ZNF521: variants seen among roughly 807,000 people sequenced by gnomAD.
ZNF521 encodes the protein zinc finger protein 521.
Under a neutral mutation model 105.5 loss-of-function variants are expected in ZNF521, and 14 were observed. The ratio of observed to expected loss-of-function variants is 0.13; its 90% CI spans 0.09 to 0.21. The LOEUF (loss-of-function observed/expected upper bound fraction) is 0.21, where lower values mean the gene tolerates loss of function less well. ZNF521 is among the 10% of genes least tolerant of loss of function. ZNF521 has a pLI of 1.00. For synonymous variants in ZNF521, 635 were observed against 606.0 expected (o/e 1.05, Z -0.70); for missense variants, 1,233 against 1,629.7 (o/e 0.76, Z 4.19).
chr18:25,277,660 AT>A (rs1210167215), intron 3 of ZNF521, among the ~76,000 whole-genome samples: 2 of 152,332 alleles, frequency 1.3e-5, no homozygotes, highest in East Asian at 3.9e-4. Flanking sequence ...TCACTAAGTT[AT>A]TTAGTTTCAG....
chr18:25,241,249 C>T (rs1203964339), intron 3 of ZNF521, among the ~76,000 whole-genome samples: 14 of 152,184 alleles, frequency 9.2e-5, no homozygotes. Flanking sequence ...GGTTTCACCT[C>T]CCTCTCCTGA....
chr18:25,118,573 G>T (rs1401987445), intron 5 of ZNF521, among the ~76,000 whole-genome samples: 1 of 151,838 alleles, frequency 6.6e-6, no homozygotes, highest in African/African-American at 2.4e-5. Context: ...TTAACTCTAA[G>T]GAGACTGTGA....
chr18:25,302,894 G>A lies in ZNF521; in HGVS notation c.220+19114C>T, dbSNP rs377123352. 4.6e-5 allele frequency: 7 copies of A among 152,088 alleles called. No homozygotes were observed. The East Asian group carries it at 9.7e-4, about 21-fold the overall frequency. 9.4% of individuals were successfully genotyped at this position (152,088 alleles called of 1,614,324 possible). A position where few individuals can be genotyped will look rare whatever the true frequency, so the allele number is the denominator to read the frequency against. ...CTCTAAATAATACATGACATTAGAC[G>A]AAAAAAATCGTGAGCAATACAAAAT... On this transcript the variant is annotated intron_variant, in intron 3 of 7. Coordinates refer to ENST00000361524, the MANE Select transcript of ZNF521 (RefSeq NM_015461.3).
At chr18:25,222,013 A>C (rs1905757080) in intron 4 of ZNF521, among the ~76,000 whole-genome samples, 1 of 152,168 alleles carries the variant, frequency 6.6e-6, no homozygotes, top group Non-Finnish European at 1.5e-5. Context: ...GATAGTAACG[A>C]TGATTAAAAT....
chr18:25,304,557 G>A (rs1277468326), intron 3 of ZNF521, among the ~76,000 whole-genome samples: 1 of 152,118 alleles, frequency 6.6e-6, no homozygotes, highest in Non-Finnish European at 1.5e-5. Flanking sequence ...GAATTCTACT[G>A]CTTATGAAAT....
chr18:25,215,514 A>C (rs1464502575), intron 4 of ZNF521, among the ~76,000 whole-genome samples: 1 of 152,216 alleles, frequency 6.6e-6, no homozygotes, highest in East Asian at 1.9e-4. Context: ...AAAATGTGAA[A>C]TGTTTCTCCT....
intron 5 of ZNF521, among the ~76,000 whole-genome samples, chr18:25,102,622 G>C (rs992098886): frequency 6.6e-6 from 1 of 151,800 alleles, no homozygotes; most frequent in African/African-American, 2.4e-5. Context: ...CAAGCTCCTC[G>C]GCTCAGGCAA....
chr18:25,104,689 G>A (rs1224978908), intron 5 of ZNF521, among the ~76,000 whole-genome samples: 1 of 152,084 alleles, frequency 6.6e-6, no homozygotes, highest in Non-Finnish European at 1.5e-5. Context: ...TAATTTTGTG[G>A]AACTGTAATT....
intron 2 of ZNF521, among the ~76,000 whole-genome samples, chr18:25,329,404 CAGAT>C (rs1334506440): frequency 6.6e-6 from 1 of 152,176 alleles, no homozygotes; most frequent in Non-Finnish European, 1.5e-5. Context: ...GATAAGTACT[CAGAT>C]GGAGGGGCAT....
At chr18:25,205,247 T>C (rs2036060979) in intron 4 of ZNF521, among the ~76,000 whole-genome samples, 1 of 152,102 alleles carries the variant, frequency 6.6e-6, no homozygotes, top group South Asian at 2.1e-4. Context: ...TATACTATTT[T>C]GTTAGTTCCT....
chr18:25,188,825 G>T (rs2035771220), intron 5 of ZNF521, among the ~76,000 whole-genome samples: 1 of 152,164 alleles, frequency 6.6e-6, no homozygotes, highest in African/African-American at 2.4e-5. Context: ...TTTTTCTGAG[G>T]CCCCTTTAGG....
intron 7 of ZNF521, among the ~76,000 whole-genome samples, chr18:25,066,884 A>T (rs1206302398): frequency 6.6e-6 from 1 of 152,256 alleles, no homozygotes; most frequent in African/African-American, 2.4e-5. Context: ...TAATCTCACC[A>T]ATTTTACACA....
chr18:25,290,080 A>C (rs1455957919), intron 3 of ZNF521, among the ~76,000 whole-genome samples: 1 of 152,216 alleles, frequency 6.6e-6, no homozygotes, highest in African/African-American at 2.4e-5. Context: ...ATAAAATTAA[A>C]ACTGCCTGTC....
intron 4 of ZNF521, among the ~76,000 whole-genome samples, chr18:25,198,121 G>C (rs148744300): frequency 6.6e-6 from 1 of 151,756 alleles, no homozygotes; most frequent in African/African-American, 2.4e-5. Context: ...ATTTTTAAAA[G>C]AGACTTTTTT....
At chr18:25,130,327 G>A (rs968103629) in intron 5 of ZNF521, among the ~76,000 whole-genome samples, 2 of 152,166 alleles carry the variant, frequency 1.3e-5, no homozygotes, top group African/African-American at 4.8e-5. Flanking sequence ...GTAGTTACTA[G>A]GGCTTCAGGG....
intron 2 of ZNF521, among the ~76,000 whole-genome samples, chr18:25,328,169 C>G (rs1304867346): frequency 6.6e-6 from 1 of 152,136 alleles, no homozygotes; most frequent in African/African-American, 2.4e-5. Context: ...TCTTCTCAGA[C>G]AGAAAGAATG....
In ZNF521 at chr18:25,225,555, C is replaced by T; in HGVS notation, c.2363G>A (p.Cys788Tyr). ...CACCTCGGTGCCAAAGGACTCACCG[C>T]AGAAAATGCACTTATGCACTTTCCC... ...NQGKVHKCIF[C>Y]GESFGTEVEL... The change falls in exon 4 of 8, where the codon TGC (cysteine) becomes TAC (tyrosine). Residue 788 changes from cysteine to tyrosine, a missense_variant. Cys to Tyr is a radical substitution (Grantham distance 194, BLOSUM62 -2). Around this residue, in one of 6 missense-constraint regions of ZNF521, gnomAD observed 614 missense variants for 751.5 expected, o/e 0.82. Coordinates refer to ENST00000361524, the MANE Select transcript of ZNF521 (RefSeq NM_015461.3). This position sits in a 1 kb window ranked among gnomAD's most constrained non-coding sequence, Gnocchi z 5.6. 1 of 1,614,198 alleles carries T rather than the reference C, an allele frequency of 6.2e-7. No individual in the cohort carries two copies. The highest frequency in any genetic ancestry group is 8.5e-7 in the Non-Finnish European group (1 of 1,180,032).
At chr18:25,148,542 A>G (rs1296709983) in intron 5 of ZNF521, among the ~76,000 whole-genome samples, 1 of 152,134 alleles carries the variant, frequency 6.6e-6, no homozygotes, top group African/African-American at 2.4e-5. Flanking sequence ...TATTCTGGAA[A>G]CAGGCTAGGT....
chr18:25,136,525 G>A (rs1307981057), intron 5 of ZNF521, among the ~76,000 whole-genome samples: 1 of 152,144 alleles, frequency 6.6e-6, no homozygotes, highest in Non-Finnish European at 1.5e-5. Flanking sequence ...TATTATCAAT[G>A]ATCAGTTTTA....
Sources: allele counts gnomAD v4.1 joint callset (sites outside exome capture counted in the v4.1 genomes callset), GRCh38; gene constraint gnomAD v4.1.1; regional missense constraint gnomAD v4.1.1; non-coding constraint Gnocchi (gnomAD v3.1); transcripts MANE v1.5; gene names NCBI Gene and HGNC (gene_info 2026-07-23, HGNC 2026-07-21).